The following MEGF11 variants were observed in gnomAD, a reference collection of about 807,000 sequenced individuals.
The protein encoded by MEGF11 is multiple epidermal growth factor-like domains protein 11.
MEGF11 carries 126 observed loss-of-function variants against 146.6 expected under a neutral mutation model. The observed-to-expected ratio is 0.86, with a 90% CI of 0.74 to 1.00. MEGF11 has a LOEUF of 1.00. MEGF11 is among the 50% of genes least tolerant of loss of function. The pLI is 0.00. For synonymous variants in MEGF11, 532 were observed against 583.4 expected (o/e 0.91, Z 1.27); for missense variants, 1,509 against 1,521.2 (o/e 0.99, Z 0.13).
chr15:66,053,292 C>T (rs1035399290), intron 5 of MEGF11, among the ~76,000 whole-genome samples: 1 of 152,184 alleles, frequency 6.6e-6, no homozygotes, highest in Admixed American at 6.5e-5. Context: ...CGAAGGAGTA[C>T]TAACATCCTT....
chr15:66,043,375 G>T (rs751859201), intron 5 of MEGF11, among the ~76,000 whole-genome samples: 3 of 152,206 alleles, frequency 2.0e-5, no homozygotes, highest in Non-Finnish European at 2.9e-5. Context: ...TGCTGGGGGC[G>T]TCCTGGGGGA....
chr15:65,992,450 TGG>T lies in MEGF11; in HGVS notation c.395-9964_395-9963del, dbSNP rs11355219. On this transcript the variant is annotated intron_variant, in intron 5 of 25. Transcript: ENST00000395614. ...CCGTTTGTGCCTCTGTGTGTGTGTGTGGGGGGGGGGGTTAGTCACATCCTGAG... is the reference window on the plus strand; with the variant it reads ...CCGTTTGTGCCTCTGTGTGTGTGTGTGGGGGGGGGTTAGTCACATCCTGAG... Among the ~76,000 whole-genome samples, 195 of 126,470 alleles carry T rather than the reference TGG, an allele frequency of 1.5e-3. 4 individuals are homozygous for T. Among genetic ancestry groups the T allele is most frequent in the African/African-American group, 4.0e-3 (130 of 32,740 alleles). 83.0% of individuals were successfully genotyped at this position (126,470 alleles called of 152,430 possible).
At chr15:66,133,550 C>T (rs763279370) in intron 1 of MEGF11, among the ~76,000 whole-genome samples, 2 of 152,168 alleles carry the variant, frequency 1.3e-5, no homozygotes, top group South Asian at 4.1e-4. Context: ...GTTATCGCCC[C>T]GTCTAGTGGC....
intron 5 of MEGF11, among the ~76,000 whole-genome samples, chr15:66,059,757 T>C (rs1387631138): frequency 6.6e-6 from 1 of 152,110 alleles, no homozygotes; most frequent in Admixed American, 6.5e-5. Flanking sequence ...CCCCAGGGAC[T>C]CCCCTGCCCA....
rs2088189143 is a variant in MEGF11 at position 66,123,910 on chromosome 15, G to A, written c.189C>T (p.Cys63=). 2 of 1,613,196 alleles carry A rather than the reference G, an allele frequency of 1.2e-6. No homozygotes were observed. The highest frequency in any genetic ancestry group is 1.7e-5 in the Admixed American group (1 of 60,012). The change falls in exon 3 of 26, where the codon TGC becomes TGT. Residue 63 remains cysteine, a synonymous_variant. Coordinates refer to ENST00000395614, the MANE Select transcript of MEGF11 (RefSeq NM_001385028.1). The part of the protein sequence containing the change: ...RCTDILNWFK[C]TRHRISYKTA... ...AGAGAGGTACTCACCGGTGCCTGGT[G>A]CACTTGAACCAGTTGAGGATGTCTG...
intron 1 of MEGF11, among the ~76,000 whole-genome samples, chr15:66,131,842 A>G (rs2088658374): frequency 6.6e-6 from 1 of 151,930 alleles, no homozygotes; most frequent in African/African-American, 2.4e-5. Context: ...TTCCCATGGA[A>G]CTCTTCCCAG....
chr15:66,211,299 G>T (rs540806246), intron 1 of MEGF11, among the ~76,000 whole-genome samples: 1 of 152,182 alleles, frequency 6.6e-6, no homozygotes, highest in Non-Finnish European at 1.5e-5. Context: ...CAAGGTGGGC[G>T]GATCACGAAG....
chr15:66,055,287 C>A (rs978838977), intron 5 of MEGF11, among the ~76,000 whole-genome samples: 1 of 152,208 alleles, frequency 6.6e-6, no homozygotes, highest in African/African-American at 2.4e-5. Context: ...GTAAAACTAT[C>A]GAGATTCGTA....
intron 5 of MEGF11, among the ~76,000 whole-genome samples, chr15:66,064,699 C>CTT (rs112463730): frequency 4.7e-4 from 70 of 149,958 alleles, no homozygotes; most frequent in Non-Finnish European, 6.2e-4. Flanking sequence ...TATTTTTTTT[C>CTT]TTTTTTTTTA....
intron 15 of MEGF11, among the ~76,000 whole-genome samples, chr15:65,919,768 C>T (rs768818338): frequency 4.6e-5 from 7 of 152,172 alleles, no homozygotes; most frequent in African/African-American, 1.7e-4. Context: ...GATAGGCACG[C>T]GCCACCATGT....
chr15:66,047,557 C>T (rs1378383381), intron 5 of MEGF11, among the ~76,000 whole-genome samples: 1 of 152,228 alleles, frequency 6.6e-6, no homozygotes, highest in Non-Finnish European at 1.5e-5. Context: ...ATAACCTGTT[C>T]CATCCCATAA....
At chr15:66,246,300 T>A (rs940882942) in intron 1 of MEGF11, among the ~76,000 whole-genome samples, 1 of 152,104 alleles carries the variant, frequency 6.6e-6, no homozygotes, top group Non-Finnish European at 1.5e-5. Context: ...AGCAAGTCGA[T>A]GCTTGAGTAT....
At chr15:65,908,407 C>T (rs1371431618) in intron 23 of MEGF11, among the ~76,000 whole-genome samples, 1 of 152,184 alleles carries the variant, frequency 6.6e-6, no homozygotes, top group Non-Finnish European at 1.5e-5. Flanking sequence ...CCTTCTGTAA[C>T]TCCTACCCAC....
chr15:65,898,968 A>T (rs527929919), intron 24 of MEGF11, 34 bp from the exon 25 acceptor site: 1 of 1,607,792 alleles, frequency 6.2e-7, no homozygotes, highest in Admixed American at 1.7e-5. Context: ...AGGACAAGCA[A>T]GAATACAAGT....
At chr15:66,211,886 A>G (rs11635207) in intron 1 of MEGF11, among the ~76,000 whole-genome samples, 23,380 of 115,710 alleles carry the variant, frequency 0.2, 2,335 homozygotes, top group Admixed American at 0.32. Flanking sequence ...AGAAGAATAT[A>G]CTGACTCACT....
intron 1 of MEGF11, among the ~76,000 whole-genome samples, chr15:66,218,998 C>CAAAAAAAAAAAAA (rs2091663447): frequency 2.2e-5 from 1 of 45,638 alleles, no homozygotes; most frequent in Non-Finnish European, 4.7e-5. Context: ...AAAAAAAAAC[C>CAAAAAAAAAAAAA]TTAACCTAAA....
intron 4 of MEGF11, among the ~76,000 whole-genome samples, chr15:66,095,806 T>C (rs1479056983): frequency 6.6e-6 from 1 of 152,156 alleles, no homozygotes; most frequent in Non-Finnish European, 1.5e-5. Context: ...TCCTTCTGAT[T>C]GCCACAGGTA....
Position 65,995,597 on chromosome 15 carries a change from G to T in MEGF11, c.395-13109C>A, listed in dbSNP as rs567500300. 1.6e-4 allele frequency among the ~76,000 whole-genome samples: 25 copies of T among 152,342 alleles called. 1 individual carries two copies. Among genetic ancestry groups the T allele is most frequent in the Admixed American group, 1.5e-3 (23 of 15,306 alleles). ...GCACTGGGCTAGGCGCAGGTCAGAG[G>T]AGAGCTGAAGAGCCCATCAAGACAG... On this transcript the variant is annotated intron_variant, in intron 5 of 25. Transcript: ENST00000395614.
intron 1 of MEGF11, among the ~76,000 whole-genome samples, chr15:66,169,046 G>A (rs887913887): frequency 3.3e-5 from 5 of 152,298 alleles, no homozygotes; most frequent in Non-Finnish European, 7.3e-5. Flanking sequence ...AGTGGCTGCT[G>A]GAAGATTTAA....
Sources: allele counts gnomAD v4.1 joint callset (sites outside exome capture counted in the v4.1 genomes callset), GRCh38; gene constraint gnomAD v4.1.1; transcripts MANE v1.5; gene names NCBI Gene and HGNC (gene_info 2026-07-23, HGNC 2026-07-21).